PPARGC1A: variants seen among roughly 807,000 people sequenced by gnomAD.
PPARGC1A encodes PPARG coactivator 1 alpha.
Under a neutral mutation model 88.7 loss-of-function variants are expected in PPARGC1A, and 25 were observed. The ratio of observed to expected loss-of-function variants is 0.28; its 90% CI spans 0.21 to 0.39. The LOEUF (loss-of-function observed/expected upper bound fraction) is 0.39, where lower values mean the gene tolerates loss of function less well. Among genes scored for constraint, PPARGC1A ranks in the 10% least tolerant of loss-of-function variants. PPARGC1A has a pLI of 1.00. For missense variants in PPARGC1A, 880 were observed against 968.7 expected, an observed-to-expected ratio of 0.91 and a Z score of 1.22; for synonymous variants, 363 against 355.6, an observed-to-expected ratio of 1.02 and a Z score of -0.24.
chr4:24,370,583 A>G, the PPARGC1A span, among the ~76,000 whole-genome samples: 1 of 151,892 alleles, frequency 6.6e-6, no homozygotes, highest in Non-Finnish European at 1.5e-5. Flanking sequence ...AGGCAAAGGC[A>G]TCTGGCTTCA....
the PPARGC1A span, among the ~76,000 whole-genome samples, chr4:24,049,205 CATATATATAAATATATATATACAT>C: frequency 1.3e-3 from 12 of 9,012 alleles, no homozygotes; most frequent in Non-Finnish European, 0.013. Flanking sequence ...TATATACACA[CATATATATAAATATATATATACAT>C]ATATATAAAT....
the PPARGC1A span, among the ~76,000 whole-genome samples, chr4:24,033,157 T>C: frequency 6.6e-6 from 1 of 152,214 alleles, no homozygotes; most frequent in Admixed American, 6.5e-5. Flanking sequence ...TAGGTCTGTG[T>C]CCCAAGTCCA....
intron 2 of PPARGC1A, chr4:23,866,234 C>CACCT (rs1007535868): frequency 2.1e-4 from 11 of 52,348 alleles, no homozygotes; most frequent in African/African-American, 1.0e-3. Context: ...TGGTACAGCT[C>CACCT]GCCTTTCTTT....
the PPARGC1A span, among the ~76,000 whole-genome samples, chr4:23,939,882 T>G: frequency 6.6e-6 from 1 of 152,324 alleles, no homozygotes; most frequent in Admixed American, 6.5e-5. Context: ...TGGTCTGTTT[T>G]TCAAAAGTAG....
chr4:23,980,374 C>A, the PPARGC1A span, among the ~76,000 whole-genome samples: 1 of 151,960 alleles, frequency 6.6e-6, no homozygotes, highest in South Asian at 2.1e-4. Context: ...CCCTGTCTAC[C>A]CAAACTTAAT....
chr4:24,240,382 A>T, the PPARGC1A span, among the ~76,000 whole-genome samples: 1 of 152,220 alleles, frequency 6.6e-6, no homozygotes, highest in Non-Finnish European at 1.5e-5. Flanking sequence ...AAAAGGCACC[A>T]ATAAATATCT....
At chr4:24,199,687 A>G in the PPARGC1A span, among the ~76,000 whole-genome samples, 1 of 152,212 alleles carries the variant, frequency 6.6e-6, no homozygotes, top group Admixed American at 6.5e-5. Flanking sequence ...CTACTCAAAA[A>G]ACAAAAGTGT....
At chr4:23,895,194 C>T (rs1718402226) in intron 1 of PPARGC1A, among the ~76,000 whole-genome samples, 2 of 149,480 alleles carry the variant, frequency 1.3e-5, no homozygotes, top group African/African-American at 2.4e-5. Flanking sequence ...AAACCATTCC[C>T]GTGATACTTA....
the PPARGC1A span, chr4:24,091,651 T>A: frequency 1.0e-6 from 1 of 984,738 alleles, no homozygotes; most frequent in Non-Finnish European, 1.2e-6. Flanking sequence ...ATGGAGAAAA[T>A]GCCATGCCAG....
the PPARGC1A span, among the ~76,000 whole-genome samples, chr4:24,198,275 C>G: frequency 8.5e-5 from 13 of 152,318 alleles, no homozygotes; most frequent in South Asian, 4.1e-4. Context: ...AATATGCATG[C>G]ATGTATGCAT....
At chr4:24,041,395 G>A in the PPARGC1A span, among the ~76,000 whole-genome samples, 1 of 152,150 alleles carries the variant, frequency 6.6e-6, no homozygotes, top group Non-Finnish European at 1.5e-5. Flanking sequence ...CTTGAGTTCT[G>A]GAACTAGCTC....
chr4:24,339,210 GTGTATA>G, the PPARGC1A span, among the ~76,000 whole-genome samples: 2,383 of 110,486 alleles, frequency 0.022, 32 homozygotes, highest in East Asian at 0.05. Flanking sequence ...GTGTGTGTGT[GTGTATA>G]TATATATATA....
At chr4:23,911,801 T>G in the PPARGC1A span, among the ~76,000 whole-genome samples, 1 of 152,174 alleles carries the variant, frequency 6.6e-6, no homozygotes, top group African/African-American at 2.4e-5. Context: ...ACCCTTAACA[T>G]GAGAGCTACT....
At chr4:24,269,375 T>TG in the PPARGC1A span, among the ~76,000 whole-genome samples, 1 of 146,298 alleles carries the variant, frequency 6.8e-6, no homozygotes, top group East Asian at 2.0e-4. Flanking sequence ...AGAAGTGACT[T>TG]ATTATCTCTA....
At chr4:24,447,431 T>C in the PPARGC1A span, among the ~76,000 whole-genome samples, 2 of 152,106 alleles carry the variant, frequency 1.3e-5, no homozygotes, top group African/African-American at 4.8e-5. Flanking sequence ...AAAGTGATGA[T>C]GTGGAAACAG....
chr4:23,880,713 C>T (rs548093681), intron 2 of PPARGC1A: 2 of 152,228 alleles, frequency 1.3e-5, no homozygotes, highest in East Asian at 3.9e-4. Flanking sequence ...CACACAAATA[C>T]AAAACCACCA....
chr4:24,036,872 T>C, the PPARGC1A span, among the ~76,000 whole-genome samples: 1 of 152,212 alleles, frequency 6.6e-6, no homozygotes, highest in African/African-American at 2.4e-5. Flanking sequence ...AAATCAAAAA[T>C]AAATGTCAAT....
intron 2 of PPARGC1A, among the ~76,000 whole-genome samples, chr4:23,834,079 C>A (rs1333014946): frequency 6.6e-6 from 1 of 152,174 alleles, no homozygotes; most frequent in Non-Finnish European, 1.5e-5. Flanking sequence ...GCAGGCGGAT[C>A]ACTTGGTCAG....
the PPARGC1A span, among the ~76,000 whole-genome samples, chr4:24,016,086 A>G: frequency 6.6e-6 from 1 of 152,222 alleles, no homozygotes; most frequent in Non-Finnish European, 1.5e-5. Context: ...CTAGAACAAT[A>G]TGAAGCCAAA....
Sources: allele counts gnomAD v4.1 joint callset (sites outside exome capture counted in the v4.1 genomes callset), GRCh38; gene constraint gnomAD v4.1.1; transcripts MANE v1.5; gene names NCBI Gene and HGNC (gene_info 2026-07-23, HGNC 2026-07-21).